The following CSMD1 variants were observed in gnomAD, a reference collection of about 807,000 sequenced individuals.
The protein encoded by CSMD1 is CUB and Sushi multiple domains 1, also known as CUB and sushi domain-containing protein 1.
In CSMD1, 213 loss-of-function variants were observed where a neutral mutation model predicts 417.5. The ratio of observed to expected loss-of-function variants is 0.51; its 90% CI spans 0.46 to 0.57. CSMD1 has a LOEUF of 0.57. Ranked by LOEUF, CSMD1 falls within the 20% of genes least tolerant of loss-of-function variation. CSMD1 has a pLI of 0.00. For synonymous variants in CSMD1, 2,862 were observed against 1,736.8 expected (o/e 1.65, Z -16.11); for missense variants, 6,923 against 4,529.7 (o/e 1.53, Z -15.17).
At chr8:2,993,574 C>CT (rs953542777) in intron 54 of CSMD1, among the ~76,000 whole-genome samples, 27 of 152,214 alleles carry the variant, frequency 1.8e-4, no homozygotes, top group African/African-American at 4.6e-4. Flanking sequence ...AAGGATCCAT[C>CT]TTTTTTTCAT....
chr8:4,117,052 A>G (rs1802195617), intron 3 of CSMD1, among the ~76,000 whole-genome samples: 1 of 151,830 alleles, frequency 6.6e-6, no homozygotes, highest in Non-Finnish European at 1.5e-5. Context: ...AACTGTCAGT[A>G]GTTAACCAGA....
intron 5 of CSMD1, among the ~76,000 whole-genome samples, chr8:3,890,648 TA>T (rs1218569948): frequency 6.6e-6 from 1 of 152,194 alleles, no homozygotes; most frequent in African/African-American, 2.4e-5. Context: ...AGCATATTTC[TA>T]GTCCCCAAAT....
chr8:4,008,076 T>A (rs1242803769), intron 4 of CSMD1, among the ~76,000 whole-genome samples: 1 of 151,872 alleles, frequency 6.6e-6, no homozygotes, highest in East Asian at 1.9e-4. Context: ...GTCCAGGAGG[T>A]TTTTTCTTTG....
intron 1 of CSMD1, among the ~76,000 whole-genome samples, chr8:4,897,999 T>C (rs111888657): frequency 6.6e-5 from 10 of 152,254 alleles, no homozygotes; most frequent in African/African-American, 1.9e-4. Context: ...CTTTTAGCTC[T>C]GTACTGGAAA....
At chr8:4,552,984 T>C (rs548775733) in intron 2 of CSMD1, among the ~76,000 whole-genome samples, 12 of 152,332 alleles carry the variant, frequency 7.9e-5, no homozygotes, top group African/African-American at 2.6e-4. Flanking sequence ...TGCTTATGTA[T>C]GCTGGCTGCT....
At chr8:4,275,812 C>G (rs980957087) in intron 3 of CSMD1, among the ~76,000 whole-genome samples, 3 of 152,126 alleles carry the variant, frequency 2.0e-5, no homozygotes, top group Admixed American at 6.6e-5. Context: ...GACTAATGAT[C>G]TATACTAATG....
At chr8:3,155,250 C>G (rs1242658708) in intron 39 of CSMD1, among the ~76,000 whole-genome samples, 1 of 150,186 alleles carries the variant, frequency 6.7e-6, no homozygotes, top group African/African-American at 2.5e-5. Flanking sequence ...AGGGAAGGCT[C>G]TTCATTTAAA....
intron 12 of CSMD1, among the ~76,000 whole-genome samples, chr8:3,434,154 GT>G (rs1215798640): frequency 6.6e-6 from 1 of 152,158 alleles, no homozygotes; most frequent in Non-Finnish European, 1.5e-5. Flanking sequence ...GGCAGTAAAT[GT>G]TTAGATAAGG....
At chr8:4,006,107 T>A (rs1036346240) in intron 4 of CSMD1, among the ~76,000 whole-genome samples, 1 of 152,190 alleles carries the variant, frequency 6.6e-6, no homozygotes. Flanking sequence ...AAGCACCATG[T>A]CCGAGGAGAC....
intron 32 of CSMD1, among the ~76,000 whole-genome samples, chr8:3,200,997 C>T (rs17319380): frequency 3.3e-5 from 5 of 152,062 alleles, no homozygotes; most frequent in Non-Finnish European, 5.9e-5. Context: ...TATATTAAAC[C>T]GACTGAATAC....
At chr8:3,379,762 G>C (rs896638641) in intron 18 of CSMD1, among the ~76,000 whole-genome samples, 1 of 152,108 alleles carries the variant, frequency 6.6e-6, no homozygotes, top group African/African-American at 2.4e-5. Flanking sequence ...ATGGATTAAA[G>C]ACTTAAACAT....
intron 3 of CSMD1, among the ~76,000 whole-genome samples, chr8:4,288,200 G>C (rs1041623016): frequency 1.3e-5 from 2 of 152,132 alleles, no homozygotes; most frequent in Non-Finnish European, 2.9e-5. Flanking sequence ...TGGTACTGCA[G>C]TGGATGGATT....
chr8:4,438,942 G>A (rs141816431), intron 2 of CSMD1, among the ~76,000 whole-genome samples: 9 of 152,322 alleles, frequency 5.9e-5, no homozygotes, highest in South Asian at 2.1e-4. Flanking sequence ...GTAGGATTCC[G>A]TAAATGAATT....
At chr8:3,646,420 A>C (rs1436688004) in intron 7 of CSMD1, among the ~76,000 whole-genome samples, 1 of 152,174 alleles carries the variant, frequency 6.6e-6, no homozygotes, top group African/African-American at 2.4e-5. Context: ...ATCTACTTTA[A>C]CTCAAAATTA....
At chr8:3,629,236 T>C (rs943345550) in intron 7 of CSMD1, among the ~76,000 whole-genome samples, 3 of 152,162 alleles carry the variant, frequency 2.0e-5, no homozygotes, top group African/African-American at 7.2e-5. Flanking sequence ...GGTCAGTTAC[T>C]GAGGCAAAGG....
intron 3 of CSMD1, among the ~76,000 whole-genome samples, chr8:4,043,035 A>C (rs1299325871): frequency 1.3e-5 from 2 of 151,868 alleles, no homozygotes; most frequent in Non-Finnish European, 2.9e-5. Flanking sequence ...GGGAGGTTGA[A>C]GCAGGAGAAT....
At chr8:3,262,007 A>G (rs1801101661) in intron 26 of CSMD1, among the ~76,000 whole-genome samples, 2 of 151,924 alleles carry the variant, frequency 1.3e-5, no homozygotes, top group Admixed American at 1.3e-4. Context: ...GAAACTGGGT[A>G]AAGTGTGCAC....
chr8:3,090,294 G>A (rs1814849680), intron 48 of CSMD1, among the ~76,000 whole-genome samples: 1 of 125,876 alleles, frequency 7.9e-6, no homozygotes, highest in Admixed American at 9.6e-5. Flanking sequence ...TCCAGCCTGG[G>A]CAACAGAGCC....
At chr8:4,573,283 T>A (rs747734695) in intron 2 of CSMD1, among the ~76,000 whole-genome samples, 2 of 152,206 alleles carry the variant, frequency 1.3e-5, no homozygotes, top group African/African-American at 4.8e-5. Context: ...TTTATGCTGA[T>A]GACCTTTGGA....
Sources: allele counts gnomAD v4.1 joint callset (sites outside exome capture counted in the v4.1 genomes callset), GRCh38; gene constraint gnomAD v4.1.1; transcripts MANE v1.5; gene names NCBI Gene and HGNC (gene_info 2026-07-23, HGNC 2026-07-21).